The following USP34 variants were observed in gnomAD, a reference collection of about 807,000 sequenced individuals.
USP34 encodes the protein ubiquitin specific peptidase 34.
In USP34, 70 loss-of-function variants were observed where a neutral mutation model predicts 460.3. The ratio of observed to expected loss-of-function variants is 0.15; its 90% CI spans 0.13 to 0.19. The LOEUF is 0.19. Among genes scored for constraint, USP34 ranks in the 10% least tolerant of loss-of-function variants. The pLI, the probability that USP34 is intolerant of heterozygous loss-of-function variation, is 1.00. For missense variants in USP34, 3,985 were observed against 4,236.2 expected, an observed-to-expected ratio of 0.94 and a Z score of 1.65; for synonymous variants, 1,647 against 1,405.3, an observed-to-expected ratio of 1.17 and a Z score of -3.85.
At chr2:61,229,250 T>A (rs1687814482) in intron 59 of USP34, among the ~76,000 whole-genome samples, 1 of 16,942 alleles carries the variant, frequency 5.9e-5, no homozygotes, top group East Asian at 1.8e-3. Flanking sequence ...GAATGTATTA[T>A]TACAGATTAT....
intron 10 of USP34, among the ~76,000 whole-genome samples, chr2:61,352,157 C>G (rs556622769): frequency 1.3e-5 from 2 of 152,212 alleles, no homozygotes; most frequent in South Asian, 4.1e-4. Flanking sequence ...ACCATGTTGG[C>G]ACTCAGATCT....
chr2:61,223,407 C>T, intron 62 of USP34, 111 bp from the exon 63 acceptor site: 1 of 1,085,424 alleles, frequency 9.2e-7, no homozygotes, highest in African/African-American at 1.6e-5. Context: ...ATTAACCTGC[C>T]ATCATAAAAT....
At chr2:61,294,879 G>C in intron 32 of USP34, 70 bp downstream of exon 32, 1 of 1,221,968 alleles carries the variant, frequency 8.2e-7, no homozygotes, top group Non-Finnish European at 1.2e-6. Flanking sequence ...GAAGAATTAT[G>C]GTACCCACTT....
intron 7 of USP34, among the ~76,000 whole-genome samples, chr2:61,379,747 T>G (rs1413945867): frequency 6.6e-6 from 1 of 152,236 alleles, no homozygotes; most frequent in Non-Finnish European, 1.5e-5. Flanking sequence ...TTGTCCTATT[T>G]AAAAACAGTA....
In USP34 at chr2:61,208,908, T is replaced by C. The variant is rs1687193326; in HGVS notation, c.8910A>G (p.Leu2970=). The C allele has an allele frequency of 1.9e-6, 3 of 1,592,234 alleles. No homozygotes were observed. The East Asian group carries it at 6.8e-5, about 36-fold the overall frequency. The change falls in exon 70 of 80, where the codon CTA becomes CTG. Residue 2970 remains leucine, a synonymous_variant. Transcript: ENST00000398571. Reference sequence around the variant, plus strand: ...GCAATAGAATATTTACCTCTGTCATTAGAATCAATCCTCGATTAAATACAA... The same window carrying C: ...GCAATAGAATATTTACCTCTGTCATCAGAATCAATCCTCGATTAAATACAA... ...LLVVFNRGLI[L]MTESFNTLHM... is the part of the protein sequence containing the mutation.
intron 1 of USP34, among the ~76,000 whole-genome samples, chr2:61,443,099 G>T (rs1033859801): frequency 6.6e-6 from 1 of 152,038 alleles, no homozygotes; most frequent in Non-Finnish European, 1.5e-5. Flanking sequence ...TCTCATGTAA[G>T]TAAAAAGTAG....
At chr2:61,378,303 C>A in intron 8 of USP34, 60 bp downstream of exon 8, 1 of 1,237,776 alleles carries the variant, frequency 8.1e-7, no homozygotes, top group Non-Finnish European at 1.1e-6. Context: ...TAGAATTTAC[C>A]ATATAAACAA....
In USP34 at chr2:61,296,912, T is replaced by G. The variant is rs1442495025; in HGVS notation, c.4142A>C (p.Glu1381Ala). 5 of 1,613,128 alleles carry G rather than the reference T, an allele frequency of 3.1e-6. No homozygotes were observed. The East Asian group carries it at 1.1e-4, about 36-fold the overall frequency. ...AVDDSESLRC[E>A]ELHLHAENLS... The stretch of plus-strand genomic sequence containing the variant: ...ATTTTCTGCATGAAGATGAAGTTCT[T>G]CACATCGTAAGCTCTACACAAATAA... Residue 1381 changes from glutamate to alanine, a missense_variant, in exon 30 of 80, where the codon GAA becomes GCA. Around this residue, in one of 14 missense-constraint regions of USP34, gnomAD observed 1,114 missense variants for 1,122.5 expected, o/e 0.99. Coordinates refer to ENST00000398571, the MANE Select transcript of USP34 (RefSeq NM_014709.4).
intron 1 of USP34, among the ~76,000 whole-genome samples, chr2:61,427,835 G>C (rs1380046780): frequency 6.6e-6 from 1 of 152,110 alleles, no homozygotes; most frequent in Admixed American, 6.6e-5. Context: ...ATGCCTACGG[G>C]ATCTAGAAAA....
intron 41 of USP34, among the ~76,000 whole-genome samples, chr2:61,267,706 C>T (rs1205449569): frequency 1.3e-5 from 2 of 152,116 alleles, no homozygotes; most frequent in Non-Finnish European, 2.9e-5. Flanking sequence ...CTCCACCTCC[C>T]GGGTTCATGC....
At chr2:61,256,615 A>T (rs1433708964) in intron 47 of USP34, 137 bp from the exon 48 acceptor site, 14 of 698,266 alleles carry the variant, frequency 2.0e-5, no homozygotes, top group Non-Finnish European at 2.7e-5. Context: ...AAATTTTAGT[A>T]AAAAACTGTT....
intron 62 of USP34, among the ~76,000 whole-genome samples, chr2:61,225,636 T>A (rs1687704588): frequency 6.6e-6 from 1 of 152,170 alleles, no homozygotes; most frequent in African/African-American, 2.4e-5. Context: ...GGTAGTTGTG[T>A]TCTATAAAGT....
In USP34 at chr2:61,214,549, G is replaced by A. The variant is rs1490175780; in HGVS notation, c.8193C>T (p.Leu2731=). 1 of 1,613,718 alleles carries A rather than the reference G, an allele frequency of 6.2e-7. No homozygotes were observed. Among genetic ancestry groups the A allele is most frequent in the African/African-American group, 1.3e-5 (1 of 75,026 alleles). ...TVVLHQVYNV[L]LGLLSRAKLY... Reference sequence around the variant, plus strand: ...GTTTGGCTCTTGAGAGCAAACCAAGGAGCACGTTGTAGACCTGATGTAGGA... The same window carrying A: ...GTTTGGCTCTTGAGAGCAAACCAAGAAGCACGTTGTAGACCTGATGTAGGA... The change falls in exon 68 of 80, where the codon CTC becomes CTT. Residue 2731 remains leucine, a synonymous_variant. Coordinates refer to ENST00000398571, the MANE Select transcript of USP34 (RefSeq NM_014709.4).
At chr2:61,277,163 T>C (rs1400998045) in intron 41 of USP34, among the ~76,000 whole-genome samples, 2 of 152,090 alleles carry the variant, frequency 1.3e-5, no homozygotes, top group Admixed American at 1.3e-4. Context: ...TGTATTAGGA[T>C]ATGATTCACA....
intron 57 of USP34, among the ~76,000 whole-genome samples, chr2:61,234,887 C>G (rs1476422452): frequency 6.6e-6 from 1 of 152,218 alleles, no homozygotes; most frequent in Non-Finnish European, 1.5e-5. Flanking sequence ...CCGCCCGCCT[C>G]AGCCTCCCAA....
rs1695942481 is a variant in USP34, at chr2:61,470,939, C to T, written c.-247G>A. 9.5e-6 allele frequency among the ~76,000 whole-genome samples: 1 copy of T among 104,906 alleles called. No homozygotes were observed. The highest frequency in any genetic ancestry group is 3.1e-4 in the South Asian group (1 of 3,240). 68.8% of individuals were successfully genotyped at this position (104,906 alleles called of 152,430 possible). A position where few individuals can be genotyped will look rare whatever the true frequency, so the allele number is the denominator to read the frequency against. On this transcript the variant is annotated 5_prime_UTR_variant, in exon 1 of 80. Transcript: ENST00000398571. ...TGCGCAGGCCGGAGGGGCGCCGAGG[C>T]GCCGGCGGCGGGGAAGGGGGGGAAG... is the stretch of plus-strand genomic sequence containing the variant.
intron 43 of USP34, among the ~76,000 whole-genome samples, chr2:61,264,100 T>C (rs1688976821): frequency 6.6e-6 from 1 of 152,174 alleles, no homozygotes; most frequent in African/African-American, 2.4e-5. Flanking sequence ...CGCAGATGGG[T>C]ATACCAAATT....
intron 53 of USP34, among the ~76,000 whole-genome samples, chr2:61,237,441 T>A (rs1446550679): frequency 1.3e-5 from 2 of 152,140 alleles, no homozygotes; most frequent in African/African-American, 2.4e-5. Flanking sequence ...AATACTGTGG[T>A]TTCTATCATA....
At chr2:61,290,864 A>G (rs1689829425) in intron 33 of USP34, among the ~76,000 whole-genome samples, 2 of 152,294 alleles carry the variant, frequency 1.3e-5, no homozygotes, top group Admixed American at 6.5e-5. Flanking sequence ...ACCTCTTAAC[A>G]GAAAACATAG....
Sources: allele counts gnomAD v4.1 joint callset (sites outside exome capture counted in the v4.1 genomes callset), GRCh38; gene constraint gnomAD v4.1.1; regional missense constraint gnomAD v4.1.1; transcripts MANE v1.5; gene names NCBI Gene and HGNC (gene_info 2026-07-23, HGNC 2026-07-21).